SEMA3E: variants seen among roughly 807,000 people sequenced by gnomAD.
The protein encoded by SEMA3E is semaphorin 3E.
A neutral mutation model predicts 93.6 loss-of-function variants in SEMA3E; 49 were observed. The ratio of observed to expected loss-of-function variants is 0.52; its 90% CI spans 0.42 to 0.66. The LOEUF (loss-of-function observed/expected upper bound fraction) is 0.66, where lower values mean the gene tolerates loss of function less well. Among genes scored for constraint, SEMA3E ranks in the 30% least tolerant of loss-of-function variants. The probability of loss-of-function intolerance (pLI) is 0.00; values close to 1 mark genes in which losing one functional copy is unlikely to be tolerated. For synonymous variants in SEMA3E, 363 were observed against 330.7 expected (o/e 1.10, Z -1.06); for missense variants, 906 against 964.8 (o/e 0.94, Z 0.81).
intron 1 of SEMA3E, among the ~76,000 whole-genome samples, chr7:83,558,500 G>A (rs1331429262): frequency 1.3e-5 from 2 of 152,018 alleles, no homozygotes; most frequent in African/African-American, 4.8e-5. Flanking sequence ...GTCATTTCAG[G>A]AGGAAAACAG....
intron 1 of SEMA3E, among the ~76,000 whole-genome samples, chr7:83,595,320 T>C (rs997601143): frequency 6.6e-6 from 1 of 152,100 alleles, no homozygotes. Flanking sequence ...GTAACACATT[T>C]CTTTTTACTT....
rs376834739 is a variant in SEMA3E, at chr7:83,405,515, G to A, written c.933C>T (p.Asp311=). Residue 311 remains aspartate, a synonymous_variant, in exon 9 of 17, where the codon GAC becomes GAT. Coordinates refer to ENST00000643230, the MANE Select transcript of SEMA3E (RefSeq NM_012431.3). ...GATCTCTGGTAGGTAGCAAAAAAACGTCCTCTGAAAAATTAAAGGCCATTC... is the reference window on the plus strand; with the variant it reads ...GATCTCTGGTAGGTAGCAAAAAAACATCCTCTGAAAAATTAAAGGCCATTC... The part of the protein sequence containing the change: ...GIDTYFDELE[D]VFLLPTRDHK... 23 of 1,612,484 alleles carry A rather than the reference G, an allele frequency of 1.4e-5. No individual in the cohort carries two copies. Among genetic ancestry groups the A allele is most frequent in the African/African-American group, 1.1e-4 (8 of 74,818 alleles).
At chr7:83,633,756 G>A (rs1344713390) in intron 1 of SEMA3E, among the ~76,000 whole-genome samples, 1 of 151,826 alleles carries the variant, frequency 6.6e-6, no homozygotes, top group Non-Finnish European at 1.5e-5. Flanking sequence ...GGGCCTATTT[G>A]TTAAGAGGAA....
At chr7:83,525,465 G>C (rs1392881993) in intron 1 of SEMA3E, among the ~76,000 whole-genome samples, 2 of 151,850 alleles carry the variant, frequency 1.3e-5, no homozygotes, top group Non-Finnish European at 2.9e-5. Context: ...CATATGTTCT[G>C]TTTTCTCTTT....
intron 4 of SEMA3E, among the ~76,000 whole-genome samples, chr7:83,443,896 G>A (rs926424588): frequency 5.6e-5 from 8 of 143,580 alleles, no homozygotes; most frequent in Admixed American, 1.4e-4. Flanking sequence ...GTTAAATAAC[G>A]TTAAGTAAAA....
rs111627890 is a variant in SEMA3E, at chr7:83,648,271, C to T, written c.115+157G>A. Among the ~76,000 whole-genome samples the T allele has an allele frequency of 0.013, 1,901 of 151,918 alleles. 47 individuals carry two copies. Among genetic ancestry groups the T allele is most frequent in the African/African-American group, 0.044 (1,803 of 41,410 alleles). ...GAGTATGACACATTAATCAGAGGTA[C>T]TTAGAATTTTAGGTCAGTTTTGCAA... is the stretch of plus-strand genomic sequence containing the variant. On this transcript the variant is annotated intron_variant, in intron 1 of 16. Coordinates refer to ENST00000643230, the MANE Select transcript of SEMA3E (RefSeq NM_012431.3).
intron 4 of SEMA3E, among the ~76,000 whole-genome samples, chr7:83,438,909 A>G (rs1205604715): frequency 6.6e-6 from 1 of 152,174 alleles, no homozygotes; most frequent in East Asian, 1.9e-4. Flanking sequence ...CTTGACTCCA[A>G]GTTAACTTTA....
intron 4 of SEMA3E, among the ~76,000 whole-genome samples, chr7:83,438,922 A>G (rs541323604): frequency 2.6e-5 from 4 of 152,320 alleles, no homozygotes; most frequent in South Asian, 4.1e-4. Flanking sequence ...TAACTTTAAG[A>G]TATGGATTTT....
At chr7:83,593,278 CTCTCTCTGTGTG>C (rs1452787281) in intron 1 of SEMA3E, among the ~76,000 whole-genome samples, 1 of 107,976 alleles carries the variant, frequency 9.3e-6, no homozygotes, top group African/African-American at 4.6e-5. Flanking sequence ...CTCTCTCTCT[CTCTCTCTGTGTG>C]TGTGTGTGTG....
chr7:83,396,546 G>T, intron 12 of SEMA3E, 92 bp downstream of exon 12: 1 of 754,280 alleles, frequency 1.3e-6, no homozygotes, highest in Non-Finnish European at 2.3e-6. Flanking sequence ...ATACCTGTTA[G>T]GGAAAAAAAA....
At chr7:83,579,191 G>A (rs1446764794) in intron 1 of SEMA3E, among the ~76,000 whole-genome samples, 1 of 151,974 alleles carries the variant, frequency 6.6e-6, no homozygotes, top group East Asian at 1.9e-4. Flanking sequence ...ATCTATCAGG[G>A]CAGAAAACTT....
At chr7:83,476,551 T>C (rs1790013826) in intron 2 of SEMA3E, among the ~76,000 whole-genome samples, 1 of 152,206 alleles carries the variant, frequency 6.6e-6, no homozygotes, top group Admixed American at 6.5e-5. Flanking sequence ...TTGTTTGGTA[T>C]TTTAAAACAG....
At chr7:83,478,623 T>C (rs1287778530) in intron 2 of SEMA3E, among the ~76,000 whole-genome samples, 1 of 152,156 alleles carries the variant, frequency 6.6e-6, no homozygotes, top group African/African-American at 2.4e-5. Flanking sequence ...AAACAAAGGG[T>C]GTACAGTTAC....
At chr7:83,372,847 A>G (rs1343378934) in intron 16 of SEMA3E, 2 of 152,142 alleles carry the variant, frequency 1.3e-5, no homozygotes, top group African/African-American at 4.8e-5. Context: ...GACTATAAAT[A>G]CCCAAAAATA....
intron 16 of SEMA3E, 128 bp downstream of exon 16, chr7:83,385,166 G>C (rs545086599): frequency 5.3e-5 from 46 of 867,776 alleles, no homozygotes; most frequent in African/African-American, 1.4e-4. Context: ...AAATAAAACT[G>C]ACTTATTAAA....
chr7:83,577,324 T>G (rs1329805876), intron 1 of SEMA3E, among the ~76,000 whole-genome samples: 2 of 152,140 alleles, frequency 1.3e-5, no homozygotes, highest in African/African-American at 4.8e-5. Context: ...TGTTTTCCCT[T>G]CGTTTTGAAA....
chr7:83,460,213 C>G (rs1295509735), intron 4 of SEMA3E, among the ~76,000 whole-genome samples: 1 of 152,150 alleles, frequency 6.6e-6, no homozygotes, highest in Non-Finnish European at 1.5e-5. Context: ...CCACCTACGA[C>G]CTCAGGTCCT....
At chr7:83,434,482 C>G (rs2115757593) in intron 4 of SEMA3E, among the ~76,000 whole-genome samples, 1 of 152,254 alleles carries the variant, frequency 6.6e-6, no homozygotes, top group South Asian at 2.1e-4. Flanking sequence ...CTTATCAATA[C>G]ATTAACACAG....
At chr7:83,569,729 A>T (rs1162567654) in intron 1 of SEMA3E, among the ~76,000 whole-genome samples, 1 of 152,226 alleles carries the variant, frequency 6.6e-6, no homozygotes, top group Admixed American at 6.5e-5. Flanking sequence ...ACTGAGATTC[A>T]TAAAACAAGT....
Sources: gnomAD v4.1 joint callset for allele counts (sites outside exome capture counted in the v4.1 genomes callset) on GRCh38, gnomAD v4.1.1 for gene constraint, MANE v1.5 for transcripts, NCBI Gene and HGNC (gene_info 2026-07-23, HGNC 2026-07-21) for gene names.